The following FIG4 variants were observed in gnomAD, a reference collection of about 807,000 sequenced individuals.
FIG4 encodes the protein polyphosphoinositide phosphatase.
Under a neutral mutation model 118.6 loss-of-function variants are expected in FIG4, and 112 were observed. The ratio of observed to expected loss-of-function variants is 0.94; its 90% CI spans 0.81 to 1.11. The LOEUF (loss-of-function observed/expected upper bound fraction) is 1.11. Ranked by LOEUF, FIG4 falls within the 50% of genes least tolerant of loss-of-function variation. The pLI, the probability that FIG4 is intolerant of heterozygous loss-of-function variation, is 0.00. For synonymous variants in FIG4, 369 were observed against 381.2 expected (o/e 0.97, Z 0.37); for missense variants, 969 against 1,111.7 (o/e 0.87, Z 1.83).
rs114937689 is a variant in FIG4, at chr6:109,821,546, G to A, written c.2547-3542G>A. On this transcript the variant is annotated intron_variant, in intron 22 of 22. Transcript: ENST00000230124. ...AAAGCTTTAAAAAGAAATGAAGAAA[G>A]ACATTAAAAAGGACTGAAGATGAAG... 9.4e-3 allele frequency among the ~76,000 whole-genome samples: 1,424 copies of A among 152,214 alleles called. 22 individuals are homozygous for A. The highest frequency in any genetic ancestry group is 0.033 in the African/African-American group (1,357 of 41,526).
intron 1 of FIG4, among the ~76,000 whole-genome samples, chr6:109,704,381 C>G (rs1477708234): frequency 6.6e-6 from 1 of 152,116 alleles, no homozygotes; most frequent in Non-Finnish European, 1.5e-5. Context: ...TGGGGCCAGG[C>G]ATGGTGGCTC....
chr6:109,710,059 C>T (rs1016562194), intron 1 of FIG4, among the ~76,000 whole-genome samples: 3 of 152,112 alleles, frequency 2.0e-5, no homozygotes, highest in Non-Finnish European at 2.9e-5. Context: ...GGAATGCTTC[C>T]AGCTTCTGGC....
At chr6:109,709,887 G>T (rs532810020) in intron 1 of FIG4, among the ~76,000 whole-genome samples, 3 of 152,252 alleles carry the variant, frequency 2.0e-5, no homozygotes, top group African/African-American at 7.2e-5. Context: ...TCTAGAAATA[G>T]AATCATATTA....
intron 22 of FIG4, among the ~76,000 whole-genome samples, chr6:109,806,400 AG>A (rs1240811925): frequency 4.6e-5 from 7 of 152,244 alleles, no homozygotes; most frequent in African/African-American, 1.7e-4. Flanking sequence ...AGAGATACAA[AG>A]GGATAATCAC....
intron 16 of FIG4, among the ~76,000 whole-genome samples, chr6:109,784,042 G>A (rs1229634318): frequency 1.3e-5 from 2 of 152,022 alleles, no homozygotes; most frequent in African/African-American, 2.4e-5. Flanking sequence ...TCATAATCAG[G>A]ATTATTCAAG....
At chr6:109,770,162 G>A (rs906418809) in intron 15 of FIG4, among the ~76,000 whole-genome samples, 1 of 152,152 alleles carries the variant, frequency 6.6e-6, no homozygotes, top group African/African-American at 2.4e-5. Context: ...GAAAGCATAG[G>A]TATCTCTTCA....
intron 22 of FIG4, among the ~76,000 whole-genome samples, chr6:109,809,113 T>G (rs561638405): frequency 2.0e-5 from 3 of 152,364 alleles, no homozygotes; most frequent in Non-Finnish European, 4.4e-5. Flanking sequence ...TTTGTTGTAG[T>G]ATCAAATAAA....
intron 21 of FIG4, among the ~76,000 whole-genome samples, chr6:109,796,196 T>G (rs1460394720): frequency 6.6e-6 from 1 of 152,180 alleles, no homozygotes; most frequent in Non-Finnish European, 1.5e-5. Flanking sequence ...CTCCCCAACC[T>G]TGGTTGAAAG....
intron 4 of FIG4, among the ~76,000 whole-genome samples, chr6:109,731,973 G>A (rs1269251180): frequency 1.3e-5 from 2 of 152,160 alleles, no homozygotes; most frequent in Non-Finnish European, 2.9e-5. Flanking sequence ...ACAATATAAT[G>A]CTATGTATTA....
intron 22 of FIG4, among the ~76,000 whole-genome samples, chr6:109,816,473 C>T (rs904107888): frequency 9.2e-5 from 14 of 152,084 alleles, no homozygotes; most frequent in East Asian, 3.8e-4. Context: ...AGTAAAAGGA[C>T]GTTAGGCAAA....
At chr6:109,772,780 G>C (rs1242291134) in intron 15 of FIG4, among the ~76,000 whole-genome samples, 1 of 152,066 alleles carries the variant, frequency 6.6e-6, no homozygotes, top group African/African-American at 2.4e-5. Flanking sequence ...TCATTGCCAT[G>C]ACAAATTACT....
chr6:109,770,958 C>G (rs1777440552), intron 15 of FIG4, among the ~76,000 whole-genome samples: 1 of 152,204 alleles, frequency 6.6e-6, no homozygotes, highest in South Asian at 2.1e-4. Flanking sequence ...CTCTAAAGGA[C>G]TGCCAGCAGT....
At position 109,785,755 on chromosome 6, in the gene FIG4, G is replaced by A. The variant is rs199986282; in HGVS notation, c.1949-547G>A. ...ATGCTTCAGCATCCCAACTTTGGGT[G>A]GGGAAGGCCATAAAGTAAGATTACA... On this transcript the variant is annotated intron_variant, in intron 17 of 22. Transcript: ENST00000230124. 19 of 467,544 alleles carry A rather than the reference G, an allele frequency of 4.1e-5. No homozygotes were observed. In the East Asian group the frequency reaches 4.2e-4, roughly 10 times the overall value. The allele number at this position is 467,544 out of a possible 1,614,324, so 29.0% of individuals were successfully genotyped here.
At chr6:109,719,028 C>T (rs1040936374) in intron 3 of FIG4, among the ~76,000 whole-genome samples, 4 of 151,366 alleles carry the variant, frequency 2.6e-5, no homozygotes, top group Non-Finnish European at 4.4e-5. Flanking sequence ...AAGCCATTCT[C>T]GTGCCTCAGC....
chr6:109,744,383 G>A (rs1025806460), intron 10 of FIG4, among the ~76,000 whole-genome samples: 4 of 152,066 alleles, frequency 2.6e-5, no homozygotes, highest in African/African-American at 9.7e-5. Flanking sequence ...AGGATAGGAG[G>A]CAGGGAACCA....
chr6:109,821,196 G>A (rs994191570), intron 22 of FIG4, among the ~76,000 whole-genome samples: 2 of 152,086 alleles, frequency 1.3e-5, no homozygotes, highest in African/African-American at 4.8e-5. Flanking sequence ...GATGAAGGAA[G>A]GAGAAAGCCC....
chr6:109,750,650 A>G (rs1776662238), intron 10 of FIG4, among the ~76,000 whole-genome samples: 1 of 152,152 alleles, frequency 6.6e-6, no homozygotes, highest in Non-Finnish European at 1.5e-5. Flanking sequence ...AAAAAGAAAA[A>G]AGAAATGTTA....
chr6:109,729,066 C>G (rs1443142181), intron 4 of FIG4, among the ~76,000 whole-genome samples: 1 of 151,772 alleles, frequency 6.6e-6, no homozygotes, highest in Non-Finnish European at 1.5e-5. Context: ...CTATATAATC[C>G]AATAGTGTAT....
At chr6:109,743,574 G>A (rs1255679046) in intron 9 of FIG4, 101 bp from the exon 10 acceptor site, 3 of 853,034 alleles carry the variant, frequency 3.5e-6, no homozygotes, top group African/African-American at 3.3e-5. Flanking sequence ...ACTATTGAAA[G>A]ATTAGTTGAA....
Sources: gnomAD v4.1 joint callset for allele counts (sites outside exome capture counted in the v4.1 genomes callset) on GRCh38, gnomAD v4.1.1 for gene constraint, MANE v1.5 for transcripts, NCBI Gene and HGNC (gene_info 2026-07-23, HGNC 2026-07-21) for gene names.